MAEL: variants seen among roughly 807,000 people sequenced by gnomAD.
The protein encoded by MAEL is protein maelstrom homolog.
A neutral mutation model predicts 62.0 loss-of-function variants in MAEL; 46 were observed. That is an observed-to-expected ratio of 0.74 (90% CI 0.59 to 0.95). MAEL has a LOEUF of 0.95. Ranked by LOEUF, MAEL falls within the 40% of genes least tolerant of loss-of-function variation. The pLI, the probability that MAEL is intolerant of heterozygous loss-of-function variation, is 0.00. For missense variants in MAEL, 497 were observed against 526.8 expected (o/e 0.94, Z 0.55); for synonymous variants, 172 against 175.5 (o/e 0.98, Z 0.16).
At chr1:167,020,781 G>A (rs1665592002) in intron 10 of MAEL, among the ~76,000 whole-genome samples, 1 of 151,872 alleles carries the variant, frequency 6.6e-6, no homozygotes, top group Admixed American at 6.6e-5. Flanking sequence ...CAAGGACATG[G>A]CTTCAGTAAT....
intron 1 of MAEL, among the ~76,000 whole-genome samples, chr1:166,979,693 A>G (rs1371691338): frequency 6.6e-6 from 1 of 152,236 alleles, no homozygotes; most frequent in Non-Finnish European, 1.5e-5. Context: ...AGCAGATTTA[A>G]TCCAAGAACC....
chr1:167,002,320 A>G (rs1455788073), intron 5 of MAEL, among the ~76,000 whole-genome samples: 2 of 152,236 alleles, frequency 1.3e-5, no homozygotes, highest in Non-Finnish European at 2.9e-5. Context: ...ATGGCTCTAC[A>G]GAAATTACTA....
intron 1 of MAEL, among the ~76,000 whole-genome samples, chr1:166,980,309 A>C (rs1015904491): frequency 6.6e-6 from 1 of 152,128 alleles, no homozygotes; most frequent in African/African-American, 2.4e-5. Context: ...TACAAGTTTG[A>C]GCCACTGTGC....
At chr1:166,994,463 A>C (rs187232997) in intron 5 of MAEL, among the ~76,000 whole-genome samples, 7 of 152,268 alleles carry the variant, frequency 4.6e-5, no homozygotes, top group Admixed American at 4.6e-4. Context: ...TTTTTAGATA[A>C]GGAAAACAGT....
At chr1:166,985,901 T>C (rs1663897846), upstream of MAEL, among the ~76,000 whole-genome samples, 1 of 152,230 alleles carries the variant, frequency 6.6e-6, no homozygotes, top group Admixed American at 6.5e-5. Flanking sequence ...ATCATAATTA[T>C]ATTACATGTT....
chr1:166,988,286 G>A (rs999379575), upstream of MAEL, among the ~76,000 whole-genome samples: 3 of 149,752 alleles, frequency 2.0e-5, no homozygotes, highest in African/African-American at 7.4e-5. Flanking sequence ...GGAGGTCTAG[G>A]CTGCAGTGAG....
intron 8 of MAEL, among the ~76,000 whole-genome samples, chr1:167,007,231 A>G (rs1195599607): frequency 6.6e-6 from 1 of 151,416 alleles, no homozygotes; most frequent in African/African-American, 2.4e-5. Flanking sequence ...TTAATCTATT[A>G]TTGTAATTTA....
At chr1:167,002,680 A>G (rs1032487918) in intron 5 of MAEL, among the ~76,000 whole-genome samples, 1 of 152,176 alleles carries the variant, frequency 6.6e-6, no homozygotes, top group African/African-American at 2.4e-5. Flanking sequence ...CCTTTACTAG[A>G]AAAGGGGGAA....
At chr1:167,010,139 A>G (rs539695405) in intron 8 of MAEL, among the ~76,000 whole-genome samples, 1 of 152,176 alleles carries the variant, frequency 6.6e-6, no homozygotes, top group East Asian at 1.9e-4. Context: ...TGGATTTAAT[A>G]AGCATCTGGC....
intron 1 of MAEL, among the ~76,000 whole-genome samples, chr1:166,983,586 A>G (rs760664802): frequency 6.6e-6 from 1 of 152,200 alleles, no homozygotes; most frequent in Admixed American, 6.5e-5. Context: ...CCCCCTCCAC[A>G]TATTTCAACC....
chr1:166,985,530 G>T (rs1374345782), upstream of MAEL, among the ~76,000 whole-genome samples: 1 of 152,078 alleles, frequency 6.6e-6, no homozygotes, highest in African/African-American at 2.4e-5. Context: ...CAAATTTTAT[G>T]GAATATCAAG....
At chr1:166,980,392 A>T (rs1353693326) in intron 1 of MAEL, among the ~76,000 whole-genome samples, 1 of 152,146 alleles carries the variant, frequency 6.6e-6, no homozygotes, top group African/African-American at 2.4e-5. Context: ...AGCTGTGCCC[A>T]TGCCAAAATT....
At chr1:166,988,401 T>G (rs1375893162), upstream of MAEL, among the ~76,000 whole-genome samples, 1 of 148,398 alleles carries the variant, frequency 6.7e-6, no homozygotes, top group Non-Finnish European at 1.5e-5. Flanking sequence ...TGTGATTACC[T>G]GAAAAGATCC....
chr1:166,993,025 G>A (rs570820389), intron 4 of MAEL, among the ~76,000 whole-genome samples, 184 bp downstream of exon 4: 27 of 151,938 alleles, frequency 1.8e-4, no homozygotes, highest in African/African-American at 5.6e-4. Context: ...GGGTTTTTTG[G>A]TTTAGGCTTT....
intron 5 of MAEL, among the ~76,000 whole-genome samples, chr1:167,003,595 A>G (rs538669446): frequency 2.6e-5 from 4 of 152,350 alleles, no homozygotes; most frequent in East Asian, 3.9e-4. Flanking sequence ...GAATTGGCAA[A>G]TGATCCAGAG....
rs534624267 is a variant in MAEL, at chr1:167,000,443, G to A, written c.524-3737G>A. Among the ~76,000 whole-genome samples the A allele has an allele frequency of 9.8e-5, 15 of 152,344 alleles. No individual in the cohort carries two copies. The South Asian group carries it at 2.9e-3, about 29-fold the overall frequency. The stretch of plus-strand genomic sequence containing the variant: ...ACAATAAAACTTGAATGGGTAAGGA[G>A]TTGCTTCTTATGGGTGAGAAAATAA... On this transcript the variant is annotated intron_variant, in intron 5 of 11. Coordinates refer to ENST00000367872, the MANE Select transcript of MAEL (RefSeq NM_032858.3).
chr1:166,999,092 A>G (rs1282494252), intron 5 of MAEL, among the ~76,000 whole-genome samples: 1 of 152,230 alleles, frequency 6.6e-6, no homozygotes, highest in Non-Finnish European at 1.5e-5. Flanking sequence ...AAATTAGGTC[A>G]ATTAATAACC....
chr1:166,989,374 C>G lies in MAEL; in HGVS notation c.22C>G (p.Arg8Gly). Residue 8 changes from arginine (R) to glycine (G), a missense_variant, in exon 1 of 12, where the codon CGG (arginine) becomes GGG (glycine). Arg to Gly is a moderately radical substitution (Grantham distance 125, BLOSUM62 -2). Coordinates refer to ENST00000367872, the MANE Select transcript of MAEL (RefSeq NM_032858.3). Reference sequence around the variant, plus strand: ...TGCCATGCCGAACCGTAAGGCCAGCCGGAATGCTTACTATTTCTTCGTGCA... The same window carrying G: ...TGCCATGCCGAACCGTAAGGCCAGCGGGAATGCTTACTATTTCTTCGTGCA... The part of the protein sequence containing the change: MPNRKAS[R>G]NAYYFFVQEK... 1 of 1,609,830 alleles carries G rather than the reference C, an allele frequency of 6.2e-7. No individual in the cohort carries two copies. Among genetic ancestry groups the G allele is most frequent in the Non-Finnish European group, 8.5e-7 (1 of 1,178,232 alleles).
At chr1:167,020,753 T>C (rs1240436506) in intron 10 of MAEL, among the ~76,000 whole-genome samples, 1 of 152,114 alleles carries the variant, frequency 6.6e-6, no homozygotes, top group Admixed American at 6.6e-5. Context: ...GTATATTAGA[T>C]TTCCTTCCCT....
Sources: allele counts gnomAD v4.1 joint callset (sites outside exome capture counted in the v4.1 genomes callset), GRCh38; gene constraint gnomAD v4.1.1; transcripts MANE v1.5; gene names NCBI Gene and HGNC (gene_info 2026-07-23, HGNC 2026-07-21).